FAM20C: variants seen among roughly 807,000 people sequenced by gnomAD.
FAM20C encodes the protein extracellular serine/threonine protein kinase FAM20C.
FAM20C carries 40 observed loss-of-function variants against 51.5 expected under a neutral mutation model. The observed-to-expected ratio is 0.78, with a 90% CI of 0.60 to 1.01. The LOEUF (loss-of-function observed/expected upper bound fraction) is 1.01, where lower values mean the gene tolerates loss of function less well. FAM20C is among the 50% of genes least tolerant of loss of function. FAM20C has a pLI of 0.00. For synonymous variants in FAM20C, 406 were observed against 380.6 expected, an observed-to-expected ratio of 1.07 and a Z score of -0.78; for missense variants, 861 against 844.7, an observed-to-expected ratio of 1.02 and a Z score of -0.24.
At chr7:231,306 C>T (rs952968866) in intron 3 of FAM20C, among the ~76,000 whole-genome samples, 23 of 152,144 alleles carry the variant, frequency 1.5e-4, no homozygotes, top group African/African-American at 3.1e-4. Flanking sequence ...CGGGAGACGT[C>T]GACTGACACT....
intron 3 of FAM20C, among the ~76,000 whole-genome samples, chr7:242,718 A>G (rs933654816): frequency 3.3e-5 from 5 of 152,202 alleles, no homozygotes; most frequent in East Asian, 1.9e-4. Flanking sequence ...GGCTCTGGTC[A>G]CATTTCGAGT....
chr7:195,521 CA>C, intron 1 of FAM20C, 32 bp from the exon 2 acceptor site: 1 of 1,483,296 alleles, frequency 6.7e-7, no homozygotes, highest in Non-Finnish European at 9.0e-7. Context: ...CTGTTCTTTC[CA>C]TGCTGATGTT....
At chr7:209,128 G>A (rs1256334684) in intron 3 of FAM20C, among the ~76,000 whole-genome samples, 152 bp downstream of exon 3, 2 of 152,156 alleles carry the variant, frequency 1.3e-5, no homozygotes, top group Non-Finnish European at 2.9e-5. Flanking sequence ...CATGGCAAAC[G>A]AGCAACAGAG....
intron 2 of FAM20C, 118 bp downstream of exon 2, chr7:195,850 C>A: frequency 9.8e-7 from 1 of 1,016,664 alleles, no homozygotes; most frequent in Non-Finnish European, 1.3e-6. Flanking sequence ...ACGGCAGCGT[C>A]ACCTCCTGCA....
rs965967138 is a variant in FAM20C at position 235,134 on chromosome 7, T to G, written c.864-11281T>G. Among the ~76,000 whole-genome samples the G allele has an allele frequency of 3.6e-3, 542 of 151,890 alleles. 1 individual carries two copies. The highest frequency in any genetic ancestry group is 0.013 in the African/African-American group (518 of 41,394). ...ACACTGAGCCCAGGCTGCGGCATTT[T>G]CAAACTGTTTACACTGAGCCCAGGC... On this transcript the variant is annotated intron_variant, in intron 3 of 9. Coordinates refer to ENST00000313766, the MANE Select transcript of FAM20C (RefSeq NM_020223.4).
chr7:235,368 C>T (rs972097856), intron 3 of FAM20C, among the ~76,000 whole-genome samples: 5 of 152,136 alleles, frequency 3.3e-5, no homozygotes, highest in African/African-American at 1.2e-4. Context: ...CCCAGTGGAG[C>T]CCGTGACATG....
At chr7:199,329 C>T (rs535547699) in intron 2 of FAM20C, among the ~76,000 whole-genome samples, 65 of 152,338 alleles carry the variant, frequency 4.3e-4, no homozygotes, top group African/African-American at 1.4e-3. Context: ...ACAGGTCCTG[C>T]AACCAAGAAC....
intron 6 of FAM20C, chr7:256,315 CCTCA>C (rs1269249858): frequency 1.7e-6 from 1 of 577,760 alleles, no homozygotes; most frequent in Non-Finnish European, 3.1e-6. Flanking sequence ...CCGTCCCTCT[CCTCA>C]CTCCTGCGGG....
intron 3 of FAM20C, among the ~76,000 whole-genome samples, chr7:232,977 G>A (rs989353593): frequency 1.6e-3 from 236 of 152,210 alleles, no homozygotes; most frequent in Non-Finnish European, 1.7e-3. Flanking sequence ...GAGGAAACAC[G>A]GACGTTCGGA....
intron 3 of FAM20C, among the ~76,000 whole-genome samples, chr7:215,253 G>C (rs1287020140): frequency 1.7e-5 from 2 of 119,474 alleles, no homozygotes; most frequent in South Asian, 3.1e-4. Flanking sequence ...GGCCCCTGGT[G>C]TATGGAGAGG....
chr7:196,328 C>CA (rs1206480393), intron 2 of FAM20C, among the ~76,000 whole-genome samples: 3 of 152,124 alleles, frequency 2.0e-5, no homozygotes, highest in Admixed American at 1.3e-4. Flanking sequence ...CTGAATTGGA[C>CA]AAAAAAGGGC....
At chr7:235,701 T>G (rs1787828720) in intron 3 of FAM20C, among the ~76,000 whole-genome samples, 1 of 152,158 alleles carries the variant, frequency 6.6e-6, no homozygotes, top group Non-Finnish European at 1.5e-5. Context: ...CAGCTCAGCT[T>G]GCTGCTGGGA....
chr7:257,271 C>T lies in FAM20C; in HGVS notation c.1445+185C>T, dbSNP rs147959965. 665 of 623,106 alleles carry T rather than the reference C, an allele frequency of 1.1e-3. 6 individuals carry two copies. The East Asian group carries it at 0.014, about 14-fold the overall frequency. The allele number at this position is 623,106 out of a possible 1,614,324, so 38.6% of individuals were successfully genotyped here. ...CCAGGCCCCAACCAGGAGGGAGGGC[C>T]GCCCCGGGAGTGGGACCTCCGAGGC... On this transcript the variant is annotated intron_variant, in intron 8 of 9. Coordinates refer to ENST00000313766, the MANE Select transcript of FAM20C (RefSeq NM_020223.4).
chr7:206,667 T>G lies in FAM20C; in HGVS notation c.785-2231T>G, dbSNP rs945543341. 1.4e-3 allele frequency among the ~76,000 whole-genome samples: 57 copies of G among 40,574 alleles called. No individual in the cohort carries two copies. In the East Asian group the frequency reaches 0.016, roughly 12 times the overall value. 26.6% of individuals were successfully genotyped at this position (40,574 alleles called of 152,430 possible). Reference sequence around the variant, plus strand: ...GTGTCCACTGTGACGCGTCGGTCACTGTCCCCTCGGCCCCGCACACGTGCT... The same window carrying G: ...GTGTCCACTGTGACGCGTCGGTCACGGTCCCCTCGGCCCCGCACACGTGCT... On this transcript the variant is annotated intron_variant, in intron 2 of 9. Coordinates refer to ENST00000313766, the MANE Select transcript of FAM20C (RefSeq NM_020223.4).
chr7:193,741 A>C lies in FAM20C; in HGVS notation c.542A>C (p.Asp181Ala). The C allele has an allele frequency of 6.5e-7, 1 of 1,548,138 alleles. No homozygotes were observed. Among genetic ancestry groups the C allele is most frequent in the Non-Finnish European group, 8.7e-7 (1 of 1,145,838 alleles). ...GCGGTTCCGCCGCTCACGGAGGAGGACGTCCTGTTCAATGTGAACAGCGAC... is the reference window on the plus strand; with the variant it reads ...GCGGTTCCGCCGCTCACGGAGGAGGCCGTCCTGTTCAATGTGAACAGCGAC... ...RVAVPPLTEE[D>A]VLFNVNSDTR... is the part of the protein sequence containing the mutation. The change falls in exon 1 of 10, where the codon GAC (aspartate) becomes GCC (alanine). Residue 181 changes from aspartate (D) to alanine (A), a missense_variant. Around this residue, in one of 3 missense-constraint regions of FAM20C, gnomAD observed 561 missense variants for 499.8 expected, o/e 1.12. Coordinates refer to ENST00000313766, the MANE Select transcript of FAM20C (RefSeq NM_020223.4).
chr7:226,672 G>A (rs1412353990), intron 3 of FAM20C, among the ~76,000 whole-genome samples: 2 of 152,202 alleles, frequency 1.3e-5, no homozygotes, highest in Non-Finnish European at 2.9e-5. Context: ...GCCCGGGCTG[G>A]AGCCTCTGGC....
At chr7:249,361 T>C (rs767066403) in intron 5 of FAM20C, among the ~76,000 whole-genome samples, 6 of 152,266 alleles carry the variant, frequency 3.9e-5, no homozygotes, top group Non-Finnish European at 8.8e-5. Flanking sequence ...CTGAGGTTTA[T>C]AAAACCTTCA....
chr7:255,754 C>A (rs1788564228), intron 5 of FAM20C, 95 bp from the exon 6 acceptor site: 1 of 1,366,764 alleles, frequency 7.3e-7, no homozygotes, highest in Non-Finnish European at 1.0e-6. Context: ...TGAGAAGCAC[C>A]AGGCAGAGCC....
At chr7:202,460 G>A (rs1001618225) in intron 2 of FAM20C, among the ~76,000 whole-genome samples, 5 of 141,292 alleles carry the variant, frequency 3.5e-5, no homozygotes, top group Non-Finnish European at 7.6e-5. Flanking sequence ...GGGGCGCTAT[G>A]GATATCTTCC....
Sources: allele counts gnomAD v4.1 joint callset (sites outside exome capture counted in the v4.1 genomes callset), GRCh38; gene constraint gnomAD v4.1.1; regional missense constraint gnomAD v4.1.1; transcripts MANE v1.5; gene names NCBI Gene and HGNC (gene_info 2026-07-23, HGNC 2026-07-21).